The following TJP2 variants were observed in gnomAD, a reference collection of about 807,000 sequenced individuals.
TJP2 encodes tight junction protein 2, also known as Friedreich ataxia region gene X104 (tight junction protein ZO-2).
In TJP2, 91 loss-of-function variants were observed where a neutral mutation model predicts 133.1. That is an observed-to-expected ratio of 0.68 (90% confidence interval 0.58 to 0.81). The LOEUF is 0.81. TJP2 is among the 40% of genes least tolerant of loss of function. The pLI is 0.00. For missense variants in TJP2, 1,541 were observed against 1,565.6 expected (o/e 0.98, Z 0.26); for synonymous variants, 592 against 583.4 (o/e 1.01, Z -0.21).
Position 69,167,130 on chromosome 9 carries a change from T to C in TJP2, c.-10+15359T>C, listed in dbSNP as rs534743172. Among the ~76,000 whole-genome samples, 394 of 151,634 alleles carry C rather than the reference T, an allele frequency of 2.6e-3. 1 individual carries two copies. Among genetic ancestry groups the C allele is most frequent in the African/African-American group, 8.8e-3 (364 of 41,340 alleles). ...GTGGCACATGTTTGTAATCCCAGTT[T>C]GGGAGGCTGAGGCAGGATAATTGCT... On this transcript the variant is annotated intron_variant, in intron 2 of 5. Coordinates refer to the TJP2 transcript ENST00000423935.
At chr9:69,138,469 C>CA (rs797015130) in intron 1 of TJP2, among the ~76,000 whole-genome samples, 14,080 of 88,078 alleles carry the variant, frequency 0.16, 742 homozygotes, top group African/African-American at 0.22. Flanking sequence ...GAGAACTTTA[C>CA]AAAAAAAAAA....
At chr9:69,220,858 C>A in intron 4 of TJP2, 29 bp from the exon 5 acceptor site, 5 of 1,604,352 alleles carry the variant, frequency 3.1e-6, no homozygotes, top group Non-Finnish European at 4.3e-6. Flanking sequence ...GATTGTCCTG[C>A]GTCCACACTG....
chr9:69,195,987 G>A (rs971976093), intron 1 of TJP2, among the ~76,000 whole-genome samples: 1 of 152,184 alleles, frequency 6.6e-6, no homozygotes, highest in Admixed American at 6.5e-5. Context: ...TTAAGAGACA[G>A]GGCCTCACTC....
chr9:69,235,915 A>C, intron 12 of TJP2, 113 bp from the exon 13 acceptor site: 1 of 966,474 alleles, frequency 1.0e-6, no homozygotes, highest in Non-Finnish European at 1.6e-6. Context: ...GGACTTGTGC[A>C]CTGAATGGAA....
At chr9:69,206,871 C>A (rs1827466057) in intron 1 of TJP2, among the ~76,000 whole-genome samples, 1 of 152,000 alleles carries the variant, frequency 6.6e-6, no homozygotes, top group South Asian at 2.1e-4. Context: ...GCCATCGCGC[C>A]CGGCCTCATC....
intron 2 of TJP2, among the ~76,000 whole-genome samples, chr9:69,164,682 T>C (rs1824256245): frequency 6.6e-6 from 1 of 152,216 alleles, no homozygotes; most frequent in Non-Finnish European, 1.5e-5. Flanking sequence ...TCTTGCATTC[T>C]GTTAAAAGAA....
intron 1 of TJP2, among the ~76,000 whole-genome samples, chr9:69,130,805 T>C (rs562935502): frequency 6.6e-6 from 1 of 151,968 alleles, no homozygotes; most frequent in East Asian, 1.9e-4. Context: ...AAGGAAGAAA[T>C]GGACAGAGGG....
rs777092638 is a variant in TJP2 at position 69,230,068 on chromosome 9, G to A, written c.1521-14G>A. On this transcript the variant is annotated splice_polypyrimidine_tract_variant and intron_variant, in intron 10 of 22. Transcript: ENST00000377245. ...ATCTCCCATCTTTCCTTTCTGAAAC[G>A]GAACCTATTGCAGCCCTAATACCAA... is the stretch of plus-strand genomic sequence containing the variant. 6 of 1,613,812 alleles carry A rather than the reference G, an allele frequency of 3.7e-6. No individual in the cohort carries two copies. Among genetic ancestry groups the A allele is most frequent in the African/African-American group, 2.7e-5 (2 of 74,876 alleles).
At chr9:69,152,818 T>C (rs1423850010) in intron 2 of TJP2, among the ~76,000 whole-genome samples, 1 of 28,000 alleles carries the variant, frequency 3.6e-5, no homozygotes, top group African/African-American at 1.9e-4. Flanking sequence ...TCTGGAGCTC[T>C]TTTTTTTTTT....
At chr9:69,252,759 G>A in intron 21 of TJP2, 56 bp from the exon 22 acceptor site, 1 of 1,528,280 alleles carries the variant, frequency 6.5e-7, no homozygotes, top group African/African-American at 1.4e-5. Flanking sequence ...CCAGCAAGCA[G>A]AGTGCCCAGT....
chr9:69,136,899 G>C (rs1007393126), intron 1 of TJP2, among the ~76,000 whole-genome samples: 10 of 152,120 alleles, frequency 6.6e-5, no homozygotes, highest in Middle Eastern at 3.2e-3. Flanking sequence ...GGAGGAGAGG[G>C]AAGAGGTTGG....
At chr9:69,141,395 T>G (rs1287736867) in intron 1 of TJP2, among the ~76,000 whole-genome samples, 1 of 145,606 alleles carries the variant, frequency 6.9e-6, no homozygotes, top group Non-Finnish European at 1.5e-5. Context: ...TACTTTCCTT[T>G]CTTTGTGGTG....
chr9:69,249,478 C>T lies in TJP2; in HGVS notation c.2984C>T (p.Pro995Leu), dbSNP rs778727177. The change falls in exon 20 of 23, where the codon CCG becomes CTG. Residue 995 changes from proline to leucine, a missense_variant. By Grantham distance (98) the Pro-to-Leu change is moderately conservative. Coordinates refer to ENST00000377245, the MANE Select transcript of TJP2 (RefSeq NM_004817.4). ...NSPPPAFKPE[P>L]PKAKTQNKEE... ...CCGCCCCCAGCATTCAAGCCAGAGC[C>T]GCCCAAGGTACGTGGCTGGGAAGCC... 43 of 1,604,782 alleles carry T rather than the reference C, an allele frequency of 2.7e-5. No individual in the cohort carries two copies. The highest frequency in any genetic ancestry group is 3.5e-5 in the Non-Finnish European group (41 of 1,174,898).
At chr9:69,144,786 A>G (rs1823145011) in intron 1 of TJP2, among the ~76,000 whole-genome samples, 1 of 152,198 alleles carries the variant, frequency 6.6e-6, no homozygotes, top group Non-Finnish European at 1.5e-5. Flanking sequence ...AAGAGCTCCA[A>G]CTTCCTATCA....
At chr9:69,133,773 A>T (rs1009271545) in intron 1 of TJP2, among the ~76,000 whole-genome samples, 8 of 151,406 alleles carry the variant, frequency 5.3e-5, no homozygotes, top group African/African-American at 1.7e-4. Context: ...CTGGCCTCGA[A>T]TTCCTGACCT....
upstream of TJP2, chr9:69,174,091 C>T: frequency 8.7e-7 from 1 of 1,143,432 alleles, no homozygotes; most frequent in Non-Finnish European, 1.1e-6. Flanking sequence ...AGGCGCGGCG[C>T]CGGCGAGCCC....
Position 69,237,135 on chromosome 9 carries a change from A to G in TJP2, c.2178A>G (p.Glu726=). The stretch of plus-strand genomic sequence containing the variant: ...CTTATGAGAGGGTTTTGCTGCGAGA[A>G]GGTGAGGAAGTCACATGGGGCCTGG... ...FPAYERVLLR[E]AGFKRPVVLF... is the part of the protein sequence containing the mutation. The change falls in exon 14 of 23, where the codon GAA becomes GAG. Residue 726 remains glutamate (E), a splice_region_variant and synonymous_variant. Transcript: ENST00000377245. 1 of 1,614,074 alleles carries G rather than the reference A, an allele frequency of 6.2e-7. No individual in the cohort carries two copies. Among genetic ancestry groups the G allele is most frequent in the Non-Finnish European group, 8.5e-7 (1 of 1,179,964 alleles).
At chr9:69,226,569 G>C (rs1245013286) in intron 7 of TJP2, among the ~76,000 whole-genome samples, 1 of 152,086 alleles carries the variant, frequency 6.6e-6, no homozygotes, top group African/African-American at 2.4e-5. Flanking sequence ...TACAATCTTG[G>C]CTCACTGCAA....
chr9:69,146,686 A>G (rs772201074), intron 1 of TJP2, among the ~76,000 whole-genome samples: 11 of 151,350 alleles, frequency 7.3e-5, no homozygotes, highest in Middle Eastern at 6.3e-3. Context: ...GGGAGGTGGA[A>G]ATAGGGAATT....
Sources: allele counts gnomAD v4.1 joint callset (sites outside exome capture counted in the v4.1 genomes callset), GRCh38; gene constraint gnomAD v4.1.1; transcripts MANE v1.5; gene names NCBI Gene and HGNC (gene_info 2026-07-23, HGNC 2026-07-21).